DPF3: variants seen among roughly 807,000 people sequenced by gnomAD.
The protein encoded by DPF3 is double PHD fingers 3, also known as zinc finger protein DPF3.
In DPF3, 18 loss-of-function variants were observed where a neutral mutation model predicts 56.8. The ratio of observed to expected loss-of-function variants is 0.32; its 90% CI spans 0.22 to 0.47. DPF3 has a LOEUF of 0.47. Ranked by LOEUF, DPF3 falls within the 20% of genes least tolerant of loss-of-function variation. The pLI is 1.00. For synonymous variants in DPF3, 188 were observed against 180.2 expected, an observed-to-expected ratio of 1.04 and a Z score of -0.35; for missense variants, 403 against 488.8, an observed-to-expected ratio of 0.82 and a Z score of 1.65.
In DPF3 at chr14:72,838,908, C is replaced by CTTTTTTTTTTTTTTT. The variant is rs376458640; in HGVS notation, c.32+55134_32+55148dup. Among the ~76,000 whole-genome samples the CTTTTTTTTTTTTTTT allele has an allele frequency of 2.7e-4, 21 of 78,586 alleles. 6 individuals carry two copies. Among genetic ancestry groups the CTTTTTTTTTTTTTTT allele is most frequent in the African/African-American group, 1.2e-3 (17 of 14,410 alleles). 51.6% of individuals were successfully genotyped at this position (78,586 alleles called of 152,430 possible). A position where few individuals can be genotyped will look rare whatever the true frequency, so the allele number is the denominator to read the frequency against. ...TATCATATATATTATCATATATATT[C>CTTTTTTTTTTTTTTT]TTTTTTTTTTTTTTTTTTTTTTTTT... On this transcript the variant is annotated intron_variant, in intron 1 of 10. Coordinates refer to ENST00000556509, the MANE Select transcript of DPF3 (RefSeq NM_001280542.3).
intron 1 of DPF3, among the ~76,000 whole-genome samples, chr14:72,875,802 G>A (rs1212496143): frequency 2.0e-5 from 3 of 152,192 alleles, no homozygotes; most frequent in African/African-American, 4.8e-5. Flanking sequence ...GTAGACAGCT[G>A]CAGCAGTGGC....
At chr14:72,826,760 T>C (rs1021114294) in intron 1 of DPF3, among the ~76,000 whole-genome samples, 5 of 152,008 alleles carry the variant, frequency 3.3e-5, no homozygotes, top group Admixed American at 1.3e-4. Context: ...CATTCACAGA[T>C]GGCCGGGCGC....
At chr14:72,860,655 T>C (rs1056211117) in intron 1 of DPF3, among the ~76,000 whole-genome samples, 1 of 151,670 alleles carries the variant, frequency 6.6e-6, no homozygotes, top group Admixed American at 6.6e-5. Flanking sequence ...AACCTCCACC[T>C]CCTGGTTTCA....
intron 1 of DPF3, among the ~76,000 whole-genome samples, chr14:72,807,987 A>G (rs1882864079): frequency 6.6e-6 from 1 of 152,044 alleles, no homozygotes; most frequent in Admixed American, 6.6e-5. Flanking sequence ...AACAACAACA[A>G]CAAGTAATGT....
intron 7 of DPF3, among the ~76,000 whole-genome samples, chr14:72,688,816 T>G (rs560480574): frequency 6.6e-6 from 1 of 152,272 alleles, no homozygotes; most frequent in African/African-American, 2.4e-5. Flanking sequence ...CCCAGCCTCA[T>G]GCAGGGAGAG....
At chr14:72,788,347 T>C (rs1046853387) in intron 1 of DPF3, among the ~76,000 whole-genome samples, 2 of 151,838 alleles carry the variant, frequency 1.3e-5, no homozygotes, top group African/African-American at 4.8e-5. Context: ...AAGCAGAGGC[T>C]GTGGTCTGTG....
chr14:72,769,307 T>C (rs9671230), intron 2 of DPF3, among the ~76,000 whole-genome samples: 7,641 of 152,060 alleles, frequency 0.05, 631 homozygotes, highest in African/African-American at 0.17. Context: ...GAGGAGGAAG[T>C]GTACAGGATG....
intron 1 of DPF3, among the ~76,000 whole-genome samples, chr14:72,834,850 G>A (rs1599483224): frequency 6.6e-6 from 1 of 152,176 alleles, no homozygotes; most frequent in Non-Finnish European, 1.5e-5. Flanking sequence ...TCATACAAGG[G>A]ACTATTATTC....
At chr14:72,892,333 C>T (rs1316008459) in intron 1 of DPF3, 23 of 1,535,166 alleles carry the variant, frequency 1.5e-5, no homozygotes, top group East Asian at 2.4e-5. Context: ...ATTTATTCTG[C>T]CATAAAACAT....
chr14:72,638,421 A>C (rs1010871407), intron 8 of DPF3, among the ~76,000 whole-genome samples: 2 of 152,236 alleles, frequency 1.3e-5, no homozygotes, highest in African/African-American at 2.4e-5. Context: ...AATGAGCCTG[A>C]AAAAGAAACC....
chr14:72,657,508 T>C (rs1599332264), intron 8 of DPF3, among the ~76,000 whole-genome samples: 1 of 152,176 alleles, frequency 6.6e-6, no homozygotes, highest in Admixed American at 6.5e-5. Context: ...TGTGAAACAT[T>C]TGTTGCATTT....
intron 1 of DPF3, among the ~76,000 whole-genome samples, chr14:72,874,520 T>C (rs1297548476): frequency 6.6e-6 from 1 of 151,692 alleles, no homozygotes; most frequent in Non-Finnish European, 1.5e-5. Flanking sequence ...TTCCACCAGA[T>C]AACCTAAATC....
At chr14:72,892,797 C>A (rs1567273562) in intron 1 of DPF3, 1 of 624,534 alleles carries the variant, frequency 1.6e-6, no homozygotes, top group Non-Finnish European at 2.0e-6. Context: ...GGGGTGAGGA[C>A]CCCCCAGCCC....
At chr14:72,784,474 A>G (rs920389720) in intron 1 of DPF3, among the ~76,000 whole-genome samples, 2 of 152,188 alleles carry the variant, frequency 1.3e-5, no homozygotes, top group Admixed American at 1.3e-4. Context: ...CCCAAAAAAT[A>G]CTGGGGAGCT....
Position 72,749,935 on chromosome 14 carries a change from C to T in DPF3, c.301+3329G>A, listed in dbSNP as rs146203390. Among the ~76,000 whole-genome samples the T allele has an allele frequency of 1.2e-4, 19 of 152,090 alleles. No individual in the cohort carries two copies. In the East Asian group the frequency reaches 3.7e-3, roughly 29 times the overall value. On this transcript the variant is annotated intron_variant, in intron 3 of 10. Coordinates refer to ENST00000556509, the MANE Select transcript of DPF3 (RefSeq NM_001280542.3). ...TGTAGCCCTCACTACGCTCACTATG[C>T]TTGAGCACCTGGATGTAGCTATGCC... is the stretch of plus-strand genomic sequence containing the variant.
chr14:72,784,356 C>T (rs1248182700), intron 1 of DPF3, among the ~76,000 whole-genome samples: 1 of 152,106 alleles, frequency 6.6e-6, no homozygotes, highest in African/African-American at 2.4e-5. Flanking sequence ...ATCTTGAGTG[C>T]ACCCTAGAAA....
intron 1 of DPF3, among the ~76,000 whole-genome samples, chr14:72,825,600 T>A (rs1883761157): frequency 6.6e-6 from 1 of 152,176 alleles, no homozygotes; most frequent in African/African-American, 2.4e-5. Context: ...TCCCATTGCC[T>A]GTTTCTGTCC....
At chr14:72,861,760 A>AAAGAAAGAAAGG (rs1885432400) in intron 1 of DPF3, among the ~76,000 whole-genome samples, 1 of 148,998 alleles carries the variant, frequency 6.7e-6, no homozygotes, top group Non-Finnish European at 1.5e-5. Context: ...AGAAAGAAAG[A>AAAGAAAGAAAGG]AAGAAAGAAA....
rs1883896611 is a variant in DPF3, at chr14:72,613,666, C to T, written c.*5631G>A. On this transcript the variant is annotated 3_prime_UTR_variant, in exon 11 of 11. Coordinates refer to ENST00000556509, the MANE Select transcript of DPF3 (RefSeq NM_001280542.3). ...CCAGAGAGAGCCTGTTCCCAGGAACCCACTCACTTCCAAATCTTTCCCCTC... is the reference window on the plus strand; with the variant it reads ...CCAGAGAGAGCCTGTTCCCAGGAACTCACTCACTTCCAAATCTTTCCCCTC... 6.6e-6 allele frequency among the ~76,000 whole-genome samples: 1 copy of T among 152,130 alleles called. No homozygotes were observed. Among genetic ancestry groups the T allele is most frequent in the African/African-American group, 2.4e-5 (1 of 41,428 alleles).
Sources: gnomAD v4.1 joint callset for allele counts (sites outside exome capture counted in the v4.1 genomes callset) on GRCh38, gnomAD v4.1.1 for gene constraint, MANE v1.5 for transcripts, NCBI Gene and HGNC (gene_info 2026-07-23, HGNC 2026-07-21) for gene names.